NDST3: variants seen among roughly 807,000 people sequenced by gnomAD.
The protein encoded by NDST3 is bifunctional heparan sulfate N-deacetylase/N-sulfotransferase 3.
Under a neutral mutation model 96.1 loss-of-function variants are expected in NDST3, and 58 were observed. The observed-to-expected ratio is 0.60, with a 90% confidence interval of 0.49 to 0.75. NDST3 has a LOEUF of 0.75. Ranked by LOEUF, NDST3 falls within the 30% of genes least tolerant of loss-of-function variation. The probability of loss-of-function intolerance (pLI) is 0.00; values close to 1 mark genes in which losing one functional copy is unlikely to be tolerated. For synonymous variants in NDST3, 333 were observed against 359.7 expected, an observed-to-expected ratio of 0.93 and a Z score of 0.84; for missense variants, 788 against 1,034.2, an observed-to-expected ratio of 0.76 and a Z score of 3.27.
chr4:118,255,204 A>G (rs1358492941), intron 13 of NDST3, among the ~76,000 whole-genome samples: 3 of 152,204 alleles, frequency 2.0e-5, no homozygotes, highest in African/African-American at 4.8e-5. Context: ...GAAAAACACA[A>G]CTTTTCAGGA....
In NDST3 at chr4:118,040,865, T is replaced by TTATATATA. The variant is rs995950295; in HGVS notation, c.-156+6274_-156+6275insATATATAT. ...CTAATTTATATATATATTTATATAT[T>TTATATATA]TTTATATATATATATATTTATATAT... On this transcript the variant is annotated intron_variant, in intron 1 of 13. Transcript: ENST00000296499. Among the ~76,000 whole-genome samples, 182 of 28,742 alleles carry TTATATATA rather than the reference T, an allele frequency of 6.3e-3. 2 individuals carry two copies. Among genetic ancestry groups the TTATATATA allele is most frequent in the African/African-American group, 8.0e-3 (175 of 21,986 alleles). 18.9% of individuals were successfully genotyped at this position (28,742 alleles called of 152,430 possible).
chr4:118,069,094 G>A (rs1399400134), intron 2 of NDST3, among the ~76,000 whole-genome samples: 1 of 152,052 alleles, frequency 6.6e-6, no homozygotes, highest in Non-Finnish European at 1.5e-5. Context: ...TTTTGACAAA[G>A]TAATGAAAGG....
In NDST3 at chr4:118,242,156, T is replaced by G. The variant is rs367833527; in HGVS notation, c.2399+7T>G. The G allele has an allele frequency of 3.1e-5, 48 of 1,532,778 alleles. No individual in the cohort carries two copies. Among genetic ancestry groups the G allele is most frequent in the Non-Finnish European group, 4.0e-5 (45 of 1,114,640 alleles). 94.9% of individuals were successfully genotyped at this position (1,532,778 alleles called of 1,614,324 possible). On this transcript the variant is annotated splice_region_variant and intron_variant, in intron 12 of 13. Coordinates refer to ENST00000296499, the MANE Select transcript of NDST3 (RefSeq NM_004784.3). ...ATTACTCAGAAGCTTTAACGTAAGT[T>G]TATATTCTAATTAGTTTATTGACAT...
At chr4:118,060,783 T>C (rs944246714) in intron 2 of NDST3, among the ~76,000 whole-genome samples, 3 of 152,150 alleles carry the variant, frequency 2.0e-5, no homozygotes, top group Non-Finnish European at 2.9e-5. Context: ...AGTGCCAATA[T>C]CTTCATACCT....
intron 9 of NDST3, among the ~76,000 whole-genome samples, chr4:118,236,496 G>A (rs570222675): frequency 2.0e-5 from 3 of 152,104 alleles, no homozygotes; most frequent in Non-Finnish European, 2.9e-5. Context: ...GGCTCTATAT[G>A]AGAAAAATTA....
intron 2 of NDST3, among the ~76,000 whole-genome samples, chr4:118,076,973 CTTT>C (rs1381146350): frequency 1.3e-5 from 2 of 152,128 alleles, no homozygotes; most frequent in Non-Finnish European, 2.9e-5. Flanking sequence ...CTTTTATCTT[CTTT>C]GATACTCTTT....
At chr4:118,162,327 T>C (rs1202441166) in intron 6 of NDST3, among the ~76,000 whole-genome samples, 3 of 152,172 alleles carry the variant, frequency 2.0e-5, no homozygotes, top group South Asian at 4.1e-4. Flanking sequence ...GCTGGAGGCA[T>C]CACGCTACCT....
intron 4 of NDST3, among the ~76,000 whole-genome samples, chr4:118,135,136 C>A (rs1732967292): frequency 6.6e-6 from 1 of 152,124 alleles, no homozygotes; most frequent in African/African-American, 2.4e-5. Flanking sequence ...AATTTGGGAG[C>A]AAATTTATGT....
intron 2 of NDST3, among the ~76,000 whole-genome samples, chr4:118,062,822 TAAAG>T (rs1473453155): frequency 6.6e-6 from 1 of 152,114 alleles, no homozygotes; most frequent in African/African-American, 2.4e-5. Context: ...ATAAATTATT[TAAAG>T]AAAGCAAAAT....
intron 3 of NDST3, among the ~76,000 whole-genome samples, chr4:118,113,031 A>G (rs4280816): frequency 0.75 from 114,554 of 152,096 alleles, 45,801 homozygotes; most frequent in South Asian, 0.92. Context: ...GCAAGGAAAC[A>G]CAAGAAGAAC....
intron 6 of NDST3, among the ~76,000 whole-genome samples, chr4:118,211,329 C>T (rs978616959): frequency 6.6e-6 from 1 of 151,894 alleles, no homozygotes; most frequent in Non-Finnish European, 1.5e-5. Flanking sequence ...GTAATAATAT[C>T]CCATGAATCC....
chr4:118,172,342 A>G (rs1276040595), intron 6 of NDST3, among the ~76,000 whole-genome samples: 1 of 152,170 alleles, frequency 6.6e-6, no homozygotes, highest in Non-Finnish European at 1.5e-5. Flanking sequence ...ATGTCTCCTA[A>G]GGAAAGAGTG....
At chr4:118,184,602 T>TCTACACAC (rs1553941346) in intron 6 of NDST3, among the ~76,000 whole-genome samples, 6 of 138,582 alleles carry the variant, frequency 4.3e-5, no homozygotes, top group East Asian at 4.3e-4. Flanking sequence ...TCTCTCTCTC[T>TCTACACAC]ACACACACAC....
intron 4 of NDST3, among the ~76,000 whole-genome samples, chr4:118,123,911 AC>A (rs1445752631): frequency 6.6e-6 from 1 of 152,128 alleles, no homozygotes; most frequent in Non-Finnish European, 1.5e-5. Flanking sequence ...CAAGTATGCT[AC>A]CTTTTATAGC....
chr4:118,107,285 AG>A (rs1408660358), intron 3 of NDST3, among the ~76,000 whole-genome samples: 1 of 152,198 alleles, frequency 6.6e-6, no homozygotes, highest in Non-Finnish European at 1.5e-5. Flanking sequence ...ATAATTAAAA[AG>A]TTTTTTCACA....
intron 8 of NDST3, among the ~76,000 whole-genome samples, chr4:118,230,891 A>T (rs1350354508): frequency 6.6e-6 from 1 of 152,172 alleles, no homozygotes; most frequent in Non-Finnish European, 1.5e-5. Context: ...TATTTTAACA[A>T]TTTTTCTATT....
chr4:118,158,589 T>C (rs1001291806), intron 6 of NDST3, among the ~76,000 whole-genome samples: 23 of 152,238 alleles, frequency 1.5e-4, no homozygotes, highest in South Asian at 2.1e-4. Context: ...GAAACATCAA[T>C]AGTTGCTGAA....
At chr4:118,173,810 A>T (rs1443469097) in intron 6 of NDST3, among the ~76,000 whole-genome samples, 2 of 152,190 alleles carry the variant, frequency 1.3e-5, no homozygotes, top group Non-Finnish European at 2.9e-5. Context: ...TTCTGGCTTG[A>T]TGAAGTTTTG....
chr4:118,080,572 T>A (rs1306787683), intron 2 of NDST3, among the ~76,000 whole-genome samples: 1 of 152,114 alleles, frequency 6.6e-6, no homozygotes, highest in Non-Finnish European at 1.5e-5. Context: ...TTCACGAAAG[T>A]CTCATTTGAA....
Sources: allele counts gnomAD v4.1 joint callset (sites outside exome capture counted in the v4.1 genomes callset), GRCh38; gene constraint gnomAD v4.1.1; transcripts MANE v1.5; gene names NCBI Gene and HGNC (gene_info 2026-07-23, HGNC 2026-07-21).